The following BIRC2 variants were observed in gnomAD, a reference collection of about 807,000 sequenced individuals.
BIRC2 encodes baculoviral IAP repeat containing 2, also known as baculoviral IAP repeat-containing protein 2.
BIRC2 carries 18 observed loss-of-function variants against 60.9 expected under a neutral mutation model. The ratio of observed to expected loss-of-function variants is 0.30; its 90% CI spans 0.20 to 0.44. The LOEUF is 0.44. Ranked by LOEUF, BIRC2 falls within the 20% of genes least tolerant of loss-of-function variation. The probability of loss-of-function intolerance (pLI) is 1.00; values close to 1 mark genes in which losing one functional copy is unlikely to be tolerated. For missense variants in BIRC2, 701 were observed against 728.5 expected, an observed-to-expected ratio of 0.96 and a Z score of 0.43; for synonymous variants, 282 against 247.7, an observed-to-expected ratio of 1.14 and a Z score of -1.30.
At chr11:102,374,497 G>A (rs1358416630) in intron 6 of BIRC2, among the ~76,000 whole-genome samples, 1 of 149,490 alleles carries the variant, frequency 6.7e-6, no homozygotes, top group South Asian at 2.2e-4. Flanking sequence ...AGGGGTCAGG[G>A]ACCCACTTGA....
chr11:102,374,455 G>A (rs1170907964), intron 6 of BIRC2, among the ~76,000 whole-genome samples: 1 of 149,132 alleles, frequency 6.7e-6, no homozygotes, highest in Non-Finnish European at 1.5e-5. Context: ...CCCCTGCTGG[G>A]GGGTGCCTCC....
intron 1 of BIRC2, chr11:102,347,721 T>C (rs1951308594): frequency 6.6e-6 from 1 of 152,266 alleles, no homozygotes; most frequent in South Asian, 2.1e-4. Context: ...TCTTTTAATG[T>C]AATACATTGA....
At chr11:102,364,011 T>C (rs1198190591) in intron 5 of BIRC2, among the ~76,000 whole-genome samples, 4 of 150,600 alleles carry the variant, frequency 2.7e-5, no homozygotes, top group Non-Finnish European at 4.4e-5. Context: ...GATTATGCCA[T>C]TGCACTCCAT....
intron 3 of BIRC2, among the ~76,000 whole-genome samples, chr11:102,356,016 A>G (rs1453309880): frequency 2.0e-5 from 3 of 152,008 alleles, no homozygotes; most frequent in Non-Finnish European, 2.9e-5. Flanking sequence ...AGGGTTTTCT[A>G]TATATATAAG....
chr11:102,368,418 A>C lies in BIRC2; in HGVS notation c.1236A>C (p.Thr412=), dbSNP rs751226034. The part of the protein sequence containing the change: ...MGFNRDLVKQ[T]VQSKILTTGE... ...TTAATAGAGACCTGGTGAAACAAAC[A>C]GTTCAAAGTAAAATCCTGACAACTG... The change falls in exon 6 of 9, where the codon ACA becomes ACC. Residue 412 remains threonine (T), a synonymous_variant. Transcript: ENST00000227758. 4.0e-5 allele frequency: 64 copies of C among 1,614,000 alleles called. No individual in the cohort carries two copies. In the South Asian group the frequency reaches 4.5e-4, roughly 11 times the overall value.
intron 1 of BIRC2, 23 bp downstream of exon 1, chr11:102,347,399 T>G (rs958481023): frequency 2.6e-5 from 4 of 151,996 alleles, no homozygotes; most frequent in African/African-American, 9.7e-5. Context: ...CCTTCCGGGC[T>G]CGGGCGGCGT....
At chr11:102,360,119 A>G (rs1016590875) in intron 3 of BIRC2, among the ~76,000 whole-genome samples, 3 of 151,908 alleles carry the variant, frequency 2.0e-5, no homozygotes, top group African/African-American at 7.3e-5. Context: ...GGTGTGCACC[A>G]CCATGCCCAG....
At position 102,347,329 on chromosome 11, in the gene BIRC2, G is replaced by C. The variant is rs1214643415; in HGVS notation, c.-1305G>C. ...GCCGCTGATTCCCGGCTCTGCGGAG[G>C]CCTCTAGGCAGCCGCGCAGCTTCCG... On this transcript the variant is annotated 5_prime_UTR_variant, in exon 1 of 9. Coordinates refer to ENST00000227758, the MANE Select transcript of BIRC2 (RefSeq NM_001166.5). The C allele has an allele frequency of 2.0e-5, 3 of 152,316 alleles. No individual in the cohort carries two copies. The highest frequency in any genetic ancestry group is 7.2e-5 in the African/African-American group (3 of 41,476). The allele number at this position is 152,316 out of a possible 1,614,324, so 9.4% of individuals were successfully genotyped here. A position where few individuals can be genotyped will look rare whatever the true frequency, so the allele number is the denominator to read the frequency against.
intron 6 of BIRC2, among the ~76,000 whole-genome samples, chr11:102,369,817 C>G (rs1244829804): frequency 6.9e-6 from 1 of 144,544 alleles, no homozygotes; most frequent in Non-Finnish European, 1.5e-5. Context: ...CACATCCTCT[C>G]CAGCACCTGT....
intron 3 of BIRC2, among the ~76,000 whole-genome samples, chr11:102,362,477 G>A (rs1329071529): frequency 1.3e-5 from 2 of 152,236 alleles, no homozygotes; most frequent in African/African-American, 4.8e-5. Context: ...CAAATGTAAT[G>A]GAAGAGTGAA....
intron 6 of BIRC2, among the ~76,000 whole-genome samples, chr11:102,373,284 A>C (rs1458665521): frequency 6.6e-6 from 1 of 152,186 alleles, no homozygotes; most frequent in East Asian, 1.9e-4. Flanking sequence ...ACATTTTGGC[A>C]TGATTTTGCA....
intron 5 of BIRC2, 44 bp downstream of exon 5, chr11:102,363,760 A>G (rs1565335369): frequency 6.5e-7 from 1 of 1,527,768 alleles, no homozygotes; most frequent in Non-Finnish European, 9.0e-7. Flanking sequence ...AATTTTTATA[A>G]GAATTTTAGG....
At chr11:102,373,593 C>T (rs993139028) in intron 6 of BIRC2, among the ~76,000 whole-genome samples, 1 of 151,664 alleles carries the variant, frequency 6.6e-6, no homozygotes, top group Non-Finnish European at 1.5e-5. Flanking sequence ...CTCTGGCTGC[C>T]CTTAACATTT....
chr11:102,368,283 T>A (rs369806184), intron 5 of BIRC2, 23 bp from the exon 6 acceptor site: 267 of 1,601,968 alleles, frequency 1.7e-4, no homozygotes, highest in Non-Finnish European at 2.2e-4. Flanking sequence ...GAATTTAATA[T>A]TAGCATGTTT....
intron 3 of BIRC2, among the ~76,000 whole-genome samples, chr11:102,354,815 GTT>G (rs1951402409): frequency 6.6e-6 from 1 of 151,932 alleles, no homozygotes; most frequent in Admixed American, 6.6e-5. Context: ...TTTCATTTTG[GTT>G]TTAATTTGCA....
rs1951320371 is a variant in BIRC2 at position 102,348,871 on chromosome 11, G to T, written c.-984G>T. 5.3e-6 allele frequency: 1 copy of T among 190,350 alleles called. No homozygotes were observed. The highest frequency in any genetic ancestry group is 6.4e-5 in the Admixed American group (1 of 15,694). The allele number at this position is 190,350 out of a possible 1,614,324, so 11.8% of individuals were successfully genotyped here. ...CACTAGAAAGGACAAGTTTTATCTT[G>T]TGATAAATTGATTAATGTTTACAAC... On this transcript the variant is annotated 5_prime_UTR_variant, in exon 2 of 9. Coordinates refer to ENST00000227758, the MANE Select transcript of BIRC2 (RefSeq NM_001166.5).
chr11:102,362,032 CTT>C (rs1951490500), intron 3 of BIRC2, among the ~76,000 whole-genome samples: 1 of 152,042 alleles, frequency 6.6e-6, no homozygotes, highest in Non-Finnish European at 1.5e-5. Flanking sequence ...TTAACATTGT[CTT>C]TTGAAGAGCA....
intron 3 of BIRC2, among the ~76,000 whole-genome samples, chr11:102,360,364 G>A (rs1298847234): frequency 6.7e-6 from 1 of 149,742 alleles, no homozygotes; most frequent in Admixed American, 6.7e-5. Context: ...TTTCTCCTCT[G>A]ACTAGATAAT....
Position 102,362,054 on chromosome 11 carries a change from A to G in BIRC2, c.996-842A>G, listed in dbSNP as rs538209069. On this transcript the variant is annotated intron_variant, in intron 3 of 8. Coordinates refer to ENST00000227758, the MANE Select transcript of BIRC2 (RefSeq NM_001166.5). Reference sequence around the variant, plus strand: ...TGTCTTTTGAAGAGCAGATGTTTTCAATTTTGATGATGTCAATTTATCAAT... The same window carrying G: ...TGTCTTTTGAAGAGCAGATGTTTTCGATTTTGATGATGTCAATTTATCAAT... Among the ~76,000 whole-genome samples the G allele has an allele frequency of 4.2e-4, 64 of 152,138 alleles. 1 individual carries two copies. The highest frequency in any genetic ancestry group is 6.0e-4 in the Non-Finnish European group (41 of 67,998).
Sources: gnomAD v4.1 joint callset for allele counts (sites outside exome capture counted in the v4.1 genomes callset) on GRCh38, gnomAD v4.1.1 for gene constraint, MANE v1.5 for transcripts, NCBI Gene and HGNC (gene_info 2026-07-23, HGNC 2026-07-21) for gene names.